Variants in ALG5 observed in about 807,000 individuals in gnomAD.
ALG5 encodes the protein dolichyl-phosphate beta-glucosyltransferase.
ALG5 carries 26 observed loss-of-function variants against 51.8 expected under a neutral mutation model. That is an observed-to-expected ratio of 0.50 (90% CI 0.37 to 0.70). The LOEUF is 0.70. Ranked by LOEUF, ALG5 falls within the 30% of genes least tolerant of loss-of-function variation. The pLI is 0.00. For missense variants in ALG5, 311 were observed against 399.3 expected (o/e 0.78, Z 1.88); for synonymous variants, 141 against 136.1 (o/e 1.04, Z -0.25).
intron 5 of ALG5, 110 bp from the exon 6 acceptor site, chr13:36,985,850 A>C: frequency 1.6e-6 from 1 of 618,918 alleles, no homozygotes; most frequent in South Asian, 2.5e-5. Context: ...ATGAGGTATG[A>C]GATGGCTGAA....
At chr13:36,990,477 C>T (rs1375419512) in intron 4 of ALG5, among the ~76,000 whole-genome samples, 1 of 152,200 alleles carries the variant, frequency 6.6e-6, no homozygotes, top group African/African-American at 2.4e-5. Context: ...TGATAATCCA[C>T]ACAAGGACTG....
chr13:36,960,374 G>T (rs1235092640), intron 8 of ALG5, among the ~76,000 whole-genome samples: 1 of 152,124 alleles, frequency 6.6e-6, no homozygotes. Flanking sequence ...GTTGAAAGTG[G>T]CCACAGCTAT....
chr13:36,972,407 T>C (rs2058928342), intron 6 of ALG5, among the ~76,000 whole-genome samples: 1 of 152,048 alleles, frequency 6.6e-6, no homozygotes, highest in Non-Finnish European at 1.5e-5. Flanking sequence ...GAATAGCAAC[T>C]GAAAAACTAC....
chr13:36,981,686 G>A (rs1297077779), intron 6 of ALG5, among the ~76,000 whole-genome samples: 1 of 152,178 alleles, frequency 6.6e-6, no homozygotes. Flanking sequence ...AGGAAAAAGA[G>A]TTGGCAATAC....
intron 8 of ALG5, among the ~76,000 whole-genome samples, chr13:36,955,379 A>G (rs2058834895): frequency 6.6e-6 from 1 of 152,218 alleles, no homozygotes; most frequent in African/African-American, 2.4e-5. Context: ...CAGAGGCAAC[A>G]GAAACAATGC....
intron 6 of ALG5, among the ~76,000 whole-genome samples, chr13:36,974,854 C>T (rs1220619725): frequency 1.3e-5 from 2 of 152,152 alleles, no homozygotes; most frequent in Non-Finnish European, 2.9e-5. Context: ...ATCAGACATA[C>T]ATATTTCAAA....
intron 1 of ALG5, among the ~76,000 whole-genome samples, chr13:36,996,417 T>C (rs2059050668): frequency 1.3e-5 from 2 of 152,336 alleles, no homozygotes; most frequent in Middle Eastern, 3.4e-3. Flanking sequence ...TGATCTTTAC[T>C]GCCATCATCA....
intron 3 of ALG5, among the ~76,000 whole-genome samples, chr13:36,994,174 C>G (rs896127538): frequency 6.6e-6 from 1 of 152,118 alleles, no homozygotes; most frequent in South Asian, 2.1e-4. Context: ...GAGGTAGAAG[C>G]CTCATACATA....
intron 7 of ALG5, chr13:36,967,818 G>A: frequency 3.3e-6 from 4 of 1,222,136 alleles, no homozygotes; most frequent in South Asian, 1.3e-5. Context: ...CTTAGGAAAG[G>A]AACAAATAGA....
intron 8 of ALG5, among the ~76,000 whole-genome samples, chr13:36,955,107 A>G (rs2058833858): frequency 6.6e-6 from 1 of 152,064 alleles, no homozygotes; most frequent in Admixed American, 6.5e-5. Flanking sequence ...CCTTCCCTTC[A>G]TGCCTTTTCT....
intron 8 of ALG5, among the ~76,000 whole-genome samples, chr13:36,961,301 G>A (rs1002509000): frequency 6.6e-6 from 1 of 152,066 alleles, no homozygotes; most frequent in African/African-American, 2.4e-5. Context: ...TGTAGTCCCA[G>A]CTACTCAGCA....
chr13:36,960,689 T>A (rs1374781312), intron 8 of ALG5, among the ~76,000 whole-genome samples: 1 of 65,048 alleles, frequency 1.5e-5, no homozygotes, highest in East Asian at 2.5e-3. Flanking sequence ...ATAATTTGCT[T>A]TTTTTTTTTT....
chr13:36,950,361 C>A (rs1177571047), intron 9 of ALG5, among the ~76,000 whole-genome samples: 1 of 152,116 alleles, frequency 6.6e-6, no homozygotes, highest in Non-Finnish European at 1.5e-5. Context: ...AATAAAAAAA[C>A]TACTCACTGA....
intron 8 of ALG5, among the ~76,000 whole-genome samples, chr13:36,956,219 C>T (rs926614329): frequency 2.0e-5 from 3 of 152,100 alleles, no homozygotes; most frequent in Non-Finnish European, 4.4e-5. Flanking sequence ...CAAAAGATGA[C>T]ATACAGATGG....
chr13:36,984,255 C>G (rs1201858214), intron 6 of ALG5, among the ~76,000 whole-genome samples: 1 of 151,954 alleles, frequency 6.6e-6, no homozygotes, highest in South Asian at 2.1e-4. Context: ...TACACCACCA[C>G]ACCCTGTTAA....
At chr13:36,970,864 T>C (rs2058919517) in intron 7 of ALG5, among the ~76,000 whole-genome samples, 2 of 152,162 alleles carry the variant, frequency 1.3e-5, no homozygotes, top group Admixed American at 6.5e-5. Context: ...TGAGCCAAGA[T>C]TGCGCCACTG....
Position 36,967,747 on chromosome 13 carries a change from C to G in ALG5, c.622-2021G>C, listed in dbSNP as rs746592199. ...TCACAACAGCTTGCTCAGTGCCTTC[C>G]ATACAAAATACTTCCAATAAATACT... On this transcript the variant is annotated intron_variant, in intron 7 of 9. Transcript: ENST00000239891. 4.8e-6 allele frequency: 5 copies of G among 1,046,678 alleles called. No homozygotes were observed. In the South Asian group the frequency reaches 6.6e-5, roughly 14 times the overall value. 64.8% of individuals were successfully genotyped at this position (1,046,678 alleles called of 1,614,324 possible). A position where few individuals can be genotyped will look rare whatever the true frequency, so the allele number is the denominator to read the frequency against.
chr13:36,968,878 C>G (rs2058907554), intron 7 of ALG5, among the ~76,000 whole-genome samples: 1 of 152,172 alleles, frequency 6.6e-6, no homozygotes, highest in Admixed American at 6.5e-5. Context: ...AGCTATGATT[C>G]TATAAGAATA....
intron 6 of ALG5, among the ~76,000 whole-genome samples, chr13:36,977,279 C>G (rs2058956333): frequency 6.6e-6 from 1 of 152,162 alleles, no homozygotes; most frequent in Non-Finnish European, 1.5e-5. Context: ...GAGTCTCTTT[C>G]TTTTAAACCT....
Sources: gnomAD v4.1 joint callset for allele counts (sites outside exome capture counted in the v4.1 genomes callset) on GRCh38, gnomAD v4.1.1 for gene constraint, MANE v1.5 for transcripts, NCBI Gene and HGNC (gene_info 2026-07-23, HGNC 2026-07-21) for gene names.